Variants in APIP observed in about 807,000 individuals in gnomAD.
APIP encodes methylthioribulose-1-phosphate dehydratase.
In APIP, 32 loss-of-function variants were observed where a neutral mutation model predicts 32.0. The ratio of observed to expected loss-of-function variants is 1.00; its 90% CI spans 0.76 to 1.34. The LOEUF is 1.34. APIP is among the 40% of genes most tolerant of loss of function. The pLI is 0.00. For missense variants in APIP, 247 were observed against 298.6 expected (o/e 0.83, Z 1.27); for synonymous variants, 92 against 94.8 (o/e 0.97, Z 0.17).
intron 2 of APIP, among the ~76,000 whole-genome samples, chr11:34,894,487 A>AAAC (rs1853235393): frequency 6.7e-6 from 1 of 148,782 alleles, no homozygotes; most frequent in Admixed American, 6.7e-5. Flanking sequence ...AAAAAAAAAA[A>AAAC]CCCCAGAAAA....
At chr11:34,912,303 C>A (rs1255780850) in intron 1 of APIP, among the ~76,000 whole-genome samples, 2 of 152,130 alleles carry the variant, frequency 1.3e-5, no homozygotes, top group African/African-American at 4.8e-5. Context: ...TATATAATAT[C>A]TTTTATAATA....
chr11:34,900,999 T>C (rs1339530047), intron 1 of APIP, among the ~76,000 whole-genome samples: 1 of 151,882 alleles, frequency 6.6e-6, no homozygotes, highest in Non-Finnish European at 1.5e-5. Context: ...ACAAGTTTAT[T>C]ACACAGGTAG....
intron 1 of APIP, chr11:34,915,680 T>A (rs576037280): frequency 6.5e-6 from 1 of 154,734 alleles, no homozygotes; most frequent in East Asian, 1.9e-4. Flanking sequence ...GACTTCGGCT[T>A]AAGGAAGAAT....
chr11:34,901,340 G>A (rs764585571), intron 1 of APIP, among the ~76,000 whole-genome samples: 5 of 151,148 alleles, frequency 3.3e-5, no homozygotes, highest in Non-Finnish European at 5.9e-5. Context: ...CCCCAGAGAC[G>A]GAGGTCACTG....
At chr11:34,911,029 G>GA (rs1195211113) in intron 1 of APIP, among the ~76,000 whole-genome samples, 1 of 152,174 alleles carries the variant, frequency 6.6e-6, no homozygotes, top group African/African-American at 2.4e-5. Flanking sequence ...AATGTAAAAG[G>GA]AAACTCCCCA....
chr11:34,888,437 G>A lies in APIP; in HGVS notation c.326-9C>T. 1 of 1,603,084 alleles carries A rather than the reference G, an allele frequency of 6.2e-7. No individual in the cohort carries two copies. The highest frequency in any genetic ancestry group is 8.5e-7 in the Non-Finnish European group (1 of 1,176,728). Reference sequence around the variant, plus strand: ...AATCACTGCACCTGCTCCTGAAGGAGGAAGAAGAAAGCCGCATGCTCAATG... The same window carrying A: ...AATCACTGCACCTGCTCCTGAAGGAAGAAGAAGAAAGCCGCATGCTCAATG... On this transcript the variant is annotated splice_polypyrimidine_tract_variant and intron_variant, in intron 4 of 6. Coordinates refer to ENST00000395787, the MANE Select transcript of APIP (RefSeq NM_015957.4).
chr11:34,888,164 T>C (rs947100711), intron 5 of APIP, 129 bp downstream of exon 5: 130 of 925,126 alleles, frequency 1.4e-4, no homozygotes, highest in Non-Finnish European at 1.9e-4. Flanking sequence ...AAGTGTAATA[T>C]TAAATGGAGT....
intron 1 of APIP, among the ~76,000 whole-genome samples, chr11:34,909,164 G>A (rs926203490): frequency 2.0e-5 from 3 of 151,980 alleles, no homozygotes; most frequent in Non-Finnish European, 2.9e-5. Context: ...GGAGACAAAC[G>A]AAGGCTTCAA....
intron 5 of APIP, among the ~76,000 whole-genome samples, chr11:34,884,548 A>C (rs1012966499): frequency 1.7e-4 from 26 of 152,142 alleles, no homozygotes; most frequent in African/African-American, 6.3e-4. Flanking sequence ...AACATGGTGA[A>C]ACCCCATCTG....
chr11:34,889,649 C>T (rs1395962803), intron 3 of APIP, among the ~76,000 whole-genome samples: 1 of 152,076 alleles, frequency 6.6e-6, no homozygotes, highest in Admixed American at 6.6e-5. Context: ...CTCCACCCTC[C>T]AGTAGGTCCC....
intron 1 of APIP, among the ~76,000 whole-genome samples, chr11:34,899,659 T>C (rs1465455980): frequency 1.3e-5 from 2 of 151,762 alleles, no homozygotes; most frequent in Non-Finnish European, 2.9e-5. Flanking sequence ...GTCTAGGAGG[T>C]TGAAGGGAAA....
At chr11:34,908,983 T>C (rs867910169) in intron 1 of APIP, among the ~76,000 whole-genome samples, 2 of 152,282 alleles carry the variant, frequency 1.3e-5, no homozygotes, top group Middle Eastern at 3.4e-3. Context: ...GAGTCTGTTT[T>C]GGAAACATTT....
chr11:34,886,616 A>G (rs1222367162), intron 5 of APIP, among the ~76,000 whole-genome samples: 1 of 152,200 alleles, frequency 6.6e-6, no homozygotes, highest in African/African-American at 2.4e-5. Context: ...TTCACCCAGA[A>G]CAACTTCCAG....
intron 6 of APIP, 58 bp from the exon 7 acceptor site, chr11:34,882,874 A>C: frequency 8.5e-7 from 1 of 1,173,798 alleles, no homozygotes; most frequent in Non-Finnish European, 1.2e-6. Context: ...CTCCAATCCT[A>C]AAGAATCACA....
chr11:34,897,069 T>A (rs1376830690), intron 1 of APIP, among the ~76,000 whole-genome samples: 1 of 152,196 alleles, frequency 6.6e-6, no homozygotes, highest in East Asian at 1.9e-4. Context: ...CAAAAAGCGA[T>A]CATTATTTAA....
At chr11:34,890,447 CAT>C in intron 3 of APIP, 55 bp downstream of exon 3, 1 of 1,489,422 alleles carries the variant, frequency 6.7e-7, no homozygotes, top group Non-Finnish European at 9.1e-7. Context: ...AATTCCATTT[CAT>C]AAAACAGTAA....
chr11:34,915,999 C>CA (rs1590720026), intron 1 of APIP: 1 of 599,388 alleles, frequency 1.7e-6, no homozygotes, highest in East Asian at 3.0e-5. Flanking sequence ...GTTTGGCGCC[C>CA]AGCTCCCGCC....
In APIP at chr11:34,916,365, G is replaced by A. The variant is rs1853697582; in HGVS notation, c.-81C>T. On this transcript the variant is annotated 5_prime_UTR_variant, in exon 1 of 7. Coordinates refer to ENST00000395787, the MANE Select transcript of APIP (RefSeq NM_015957.4). Reference sequence around the variant, plus strand: ...GCTTAGCCTGGGATACGGCAGCGAGGCCGCAAATGCAATCAGGCGGCGCTG... The same window carrying A: ...GCTTAGCCTGGGATACGGCAGCGAGACCGCAAATGCAATCAGGCGGCGCTG... 2 of 1,570,928 alleles carry A rather than the reference G, an allele frequency of 1.3e-6. No individual in the cohort carries two copies. Among genetic ancestry groups the A allele is most frequent in the African/African-American group, 2.7e-5 (2 of 73,790 alleles).
chr11:34,916,082 G>A lies in APIP; in HGVS notation c.57+146C>T, dbSNP rs188206670. On this transcript the variant is annotated intron_variant, in intron 1 of 6. Coordinates refer to ENST00000395787, the MANE Select transcript of APIP (RefSeq NM_015957.4). Reference sequence around the variant, plus strand: ...CTTGCTTCCGAACGCCAAGGTCGCGGTGCGCCGGGGTAGCGAACGGCCAGG... The same window carrying A: ...CTTGCTTCCGAACGCCAAGGTCGCGATGCGCCGGGGTAGCGAACGGCCAGG... 204 of 1,081,514 alleles carry A rather than the reference G, an allele frequency of 1.9e-4. 1 individual carries two copies. The East Asian group carries it at 4.7e-3, about 25-fold the overall frequency. 67.0% of individuals were successfully genotyped at this position (1,081,514 alleles called of 1,614,324 possible). A position where few individuals can be genotyped will look rare whatever the true frequency, so the allele number is the denominator to read the frequency against.
Sources: allele counts gnomAD v4.1 joint callset (sites outside exome capture counted in the v4.1 genomes callset), GRCh38; gene constraint gnomAD v4.1.1; transcripts MANE v1.5; gene names NCBI Gene and HGNC (gene_info 2026-07-23, HGNC 2026-07-21).